Variants in NRXN3 observed in about 807,000 individuals in gnomAD.
NRXN3 encodes neurexin 3, also known as neurexin III.
A neutral mutation model predicts 137.6 loss-of-function variants in NRXN3; 32 were observed. That is an observed-to-expected ratio of 0.23 (90% confidence interval 0.18 to 0.31). The LOEUF (loss-of-function observed/expected upper bound fraction) is 0.31, where lower values mean the gene tolerates loss of function less well. Among genes scored for constraint, NRXN3 ranks in the 10% least tolerant of loss-of-function variants. The pLI is 1.00. For missense variants in NRXN3, 1,574 were observed against 2,062.5 expected (o/e 0.76, Z 4.59); for synonymous variants, 798 against 784.5 (o/e 1.02, Z -0.29).
At chr14:79,154,742 A>G (rs1483486768) in intron 15 of NRXN3, among the ~76,000 whole-genome samples, 1 of 151,904 alleles carries the variant, frequency 6.6e-6, no homozygotes, top group Non-Finnish European at 1.5e-5. Flanking sequence ...AAGCTGTGTA[A>G]AGGTTACAGA....
At chr14:79,075,870 G>A (rs1375326578) in intron 15 of NRXN3, among the ~76,000 whole-genome samples, 1 of 152,176 alleles carries the variant, frequency 6.6e-6, no homozygotes. Flanking sequence ...ACTAGTTTTT[G>A]AGAGAAATGG....
intron 15 of NRXN3, among the ~76,000 whole-genome samples, chr14:79,136,831 A>G (rs1013753370): frequency 1.3e-5 from 2 of 152,320 alleles, no homozygotes; most frequent in South Asian, 2.1e-4. Flanking sequence ...AACCACAACA[A>G]TGGAAAACTA....
chr14:79,174,940 G>T (rs1239284829), intron 15 of NRXN3, among the ~76,000 whole-genome samples: 1 of 150,888 alleles, frequency 6.6e-6, no homozygotes, highest in East Asian at 1.9e-4. Context: ...TCAAATTTTA[G>T]ATATGTACAC....
At chr14:78,491,234 A>C (rs1024134333) in intron 4 of NRXN3, among the ~76,000 whole-genome samples, 17 of 152,112 alleles carry the variant, frequency 1.1e-4, no homozygotes, top group African/African-American at 4.1e-4. Context: ...CCTAATTATG[A>C]GTCTCGTAAA....
At chr14:79,374,580 G>A (rs1456138676) in intron 15 of NRXN3, among the ~76,000 whole-genome samples, 3 of 151,724 alleles carry the variant, frequency 2.0e-5, no homozygotes, top group Non-Finnish European at 4.4e-5. Context: ...ACCCTCACAT[G>A]GCAGATAGCA....
rs528453273 is a variant in NRXN3 at position 79,576,709 on chromosome 14, T to G, written c.3445-87069T>G. The stretch of plus-strand genomic sequence containing the variant: ...TCATATCAGAGACTCCCTCTTCTGA[T>G]CCTATTTATTTATCTGAGGATTTTT... On this transcript the variant is annotated intron_variant, in intron 16 of 20. Coordinates refer to ENST00000335750, the MANE Select transcript of NRXN3 (RefSeq NM_001330195.2). Among the ~76,000 whole-genome samples, 236 of 152,318 alleles carry G rather than the reference T, an allele frequency of 1.5e-3. 1 individual carries two copies. The highest frequency in any genetic ancestry group is 2.9e-3 in the Admixed American group (45 of 15,296).
intron 20 of NRXN3, among the ~76,000 whole-genome samples, chr14:79,854,369 G>A (rs894498406): frequency 1.3e-5 from 2 of 151,948 alleles, no homozygotes; most frequent in Non-Finnish European, 2.9e-5. Flanking sequence ...ATGCCTCAAT[G>A]TTATTTGCTC....
chr14:79,010,181 A>G lies in NRXN3; in HGVS notation c.3262+22040A>G, dbSNP rs77685215. 7.4e-3 allele frequency among the ~76,000 whole-genome samples: 1,124 copies of G among 152,288 alleles called. 13 individuals carry two copies. Among genetic ancestry groups the G allele is most frequent in the African/African-American group, 0.026 (1,091 of 41,574 alleles). Reference sequence around the variant, plus strand: ...CATTTTTTAGCCTATGTTGTAGTAGATTGCTTGATTGGTCCAAGGTAGTCT... The same window carrying G: ...CATTTTTTAGCCTATGTTGTAGTAGGTTGCTTGATTGGTCCAAGGTAGTCT... On this transcript the variant is annotated intron_variant, in intron 15 of 20. Coordinates refer to ENST00000335750, the MANE Select transcript of NRXN3 (RefSeq NM_001330195.2).
chr14:79,227,709 T>C (rs2071208593), intron 15 of NRXN3, among the ~76,000 whole-genome samples: 1 of 151,866 alleles, frequency 6.6e-6, no homozygotes, highest in African/African-American at 2.4e-5. Flanking sequence ...CTCTTTTTCT[T>C]TTCTTTCTTT....
chr14:78,756,545 C>CAAA (rs869164043), intron 8 of NRXN3, among the ~76,000 whole-genome samples: 2 of 70,836 alleles, frequency 2.8e-5, no homozygotes, highest in Admixed American at 1.6e-4. Context: ...GATTCTGTCT[C>CAAA]AAAAAAAAAA....
At chr14:79,451,930 G>A (rs557800953) in intron 15 of NRXN3, among the ~76,000 whole-genome samples, 16 of 152,186 alleles carry the variant, frequency 1.1e-4, no homozygotes, top group East Asian at 3.9e-4. Context: ...CAGACCCAGC[G>A]TTCAAATGCA....
intron 15 of NRXN3, among the ~76,000 whole-genome samples, chr14:79,381,945 G>C (rs2094482175): frequency 6.6e-6 from 1 of 152,140 alleles, no homozygotes; most frequent in East Asian, 1.9e-4. Flanking sequence ...TCCTCTGAAT[G>C]AATATTAACA....
chr14:79,616,404 C>T (rs922202284), intron 16 of NRXN3, among the ~76,000 whole-genome samples: 4 of 152,104 alleles, frequency 2.6e-5, no homozygotes, highest in African/African-American at 9.7e-5. Flanking sequence ...CTGCCTTTCC[C>T]TATCTCCAGT....
At chr14:78,770,948 C>T (rs1319239485) in intron 8 of NRXN3, among the ~76,000 whole-genome samples, 10 of 152,126 alleles carry the variant, frequency 6.6e-5, no homozygotes, top group African/African-American at 1.4e-4. Context: ...GGAGGTAACA[C>T]GTATGAAAGG....
intron 16 of NRXN3, among the ~76,000 whole-genome samples, chr14:79,513,857 A>C (rs895581970): frequency 2.6e-5 from 4 of 152,216 alleles, no homozygotes; most frequent in African/African-American, 9.6e-5. Flanking sequence ...AGTCGTTTGC[A>C]AGAAACAGCC....
Position 78,709,387 on chromosome 14 carries a change from C to A in NRXN3, c.1392C>A (p.Asn464Lys). The stretch of plus-strand genomic sequence containing the variant: ...CTTACATCAGCTTGCCCAAGTGGAA[C>A]ACTAAACGTATGGGCTCCATCTCCT... ...PEAYISLPKW[N>K]TKRMGSISFD... Residue 464 changes from asparagine (N) to lysine (K), a missense_variant, in exon 7 of 21, where the codon AAC becomes AAA. Asn to Lys is a moderately conservative substitution (Grantham distance 94, BLOSUM62 0). Transcript: ENST00000335750. The A allele has an allele frequency of 6.2e-7, 1 of 1,614,164 alleles. No homozygotes were observed. Among genetic ancestry groups the A allele is most frequent in the Non-Finnish European group, 8.5e-7 (1 of 1,180,020 alleles).
intron 2 of NRXN3, among the ~76,000 whole-genome samples, chr14:78,254,697 T>C (rs955605339): frequency 2.0e-5 from 3 of 149,082 alleles, no homozygotes; most frequent in Non-Finnish European, 4.4e-5. Flanking sequence ...AAAAAAAGAT[T>C]GGAAGTTCTG....
intron 10 of NRXN3, among the ~76,000 whole-genome samples, chr14:78,860,266 C>A (rs1567537891): frequency 6.6e-6 from 1 of 152,024 alleles, no homozygotes; most frequent in Admixed American, 6.6e-5. Context: ...TACTATCATC[C>A]TTATCTATAC....
At chr14:79,539,482 G>A (rs978459089) in intron 16 of NRXN3, among the ~76,000 whole-genome samples, 1 of 152,144 alleles carries the variant, frequency 6.6e-6, no homozygotes, top group Non-Finnish European at 1.5e-5. Context: ...ATCCTTCCAG[G>A]ACAGGGCAAT....
Sources: allele counts gnomAD v4.1 joint callset (sites outside exome capture counted in the v4.1 genomes callset), GRCh38; gene constraint gnomAD v4.1.1; transcripts MANE v1.5; gene names NCBI Gene and HGNC (gene_info 2026-07-23, HGNC 2026-07-21).